The following STXBP5L variants were observed in gnomAD, a reference collection of about 807,000 sequenced individuals.
The protein encoded by STXBP5L is syntaxin binding protein 5L, also known as syntaxin-binding protein 5-like.
Under a neutral mutation model 144.5 loss-of-function variants are expected in STXBP5L, and 65 were observed. The ratio of observed to expected loss-of-function variants is 0.45; its 90% CI spans 0.37 to 0.55. STXBP5L has a LOEUF of 0.55. Ranked by LOEUF, STXBP5L falls within the 20% of genes least tolerant of loss-of-function variation. The pLI is 0.00. For missense variants in STXBP5L, 1,298 were observed against 1,405.5 expected, an observed-to-expected ratio of 0.92 and a Z score of 1.22; for synonymous variants, 505 against 469.6, an observed-to-expected ratio of 1.08 and a Z score of -0.97.
chr3:121,335,133 A>G (rs1209789742), intron 20 of STXBP5L, among the ~76,000 whole-genome samples: 2 of 152,230 alleles, frequency 1.3e-5, no homozygotes. Flanking sequence ...ATCAATGTAC[A>G]AAAATTACTA....
At chr3:121,306,039 C>T (rs929816606) in intron 19 of STXBP5L, among the ~76,000 whole-genome samples, 2 of 152,142 alleles carry the variant, frequency 1.3e-5, no homozygotes, top group Non-Finnish European at 2.9e-5. Context: ...AGACTTCCAG[C>T]TGGCAGCCTG....
intron 2 of STXBP5L, among the ~76,000 whole-genome samples, chr3:120,923,926 ATT>A (rs542411187): frequency 0.02 from 2,932 of 150,290 alleles, 86 homozygotes; most frequent in African/African-American, 0.067. Flanking sequence ...ACTGAGAGAG[ATT>A]TTTTTTTTAA....
At chr3:121,316,713 C>A (rs2043801053) in intron 19 of STXBP5L, among the ~76,000 whole-genome samples, 1 of 152,180 alleles carries the variant, frequency 6.6e-6, no homozygotes, top group Non-Finnish European at 1.5e-5. Context: ...AGTAGGCATT[C>A]AATAAATTTG....
At position 121,383,874 on chromosome 3, in the gene STXBP5L, T is replaced by G. The variant is rs150587341; in HGVS notation, c.2587+2342T>G. On this transcript the variant is annotated intron_variant, in intron 22 of 26. Transcript: ENST00000471454. ...CTATTATGGGTACTGTTTATGTTAT[T>G]ATGGTTGCTGCCATAGCTTATGGGA... Among the ~76,000 whole-genome samples, 478 of 152,278 alleles carry G rather than the reference T, an allele frequency of 3.1e-3. 8 individuals are homozygous for G. Among genetic ancestry groups the G allele is most frequent in the African/African-American group, 0.011 (456 of 41,564 alleles).
intron 15 of STXBP5L, among the ~76,000 whole-genome samples, chr3:121,253,816 T>C (rs1280171797): frequency 6.9e-6 from 1 of 144,930 alleles, no homozygotes; most frequent in Non-Finnish European, 1.5e-5. Context: ...TTTTCTTTTT[T>C]TTTTTTTTTT....
chr3:121,372,603 C>T (rs570633093), intron 20 of STXBP5L, among the ~76,000 whole-genome samples: 3 of 152,258 alleles, frequency 2.0e-5, no homozygotes, highest in South Asian at 2.1e-4. Context: ...GGGAACAAGT[C>T]GTGGTGTGTG....
intron 20 of STXBP5L, among the ~76,000 whole-genome samples, chr3:121,335,913 A>G (rs2044489020): frequency 6.6e-6 from 1 of 152,220 alleles, no homozygotes; most frequent in African/African-American, 2.4e-5. Flanking sequence ...GCAAAAAGTG[A>G]TAAATGGGAT....
chr3:121,056,944 ATATAT>A (rs996758437), intron 5 of STXBP5L, among the ~76,000 whole-genome samples: 4 of 150,782 alleles, frequency 2.7e-5, no homozygotes, highest in African/African-American at 4.8e-5. Context: ...GGTCTTTATA[ATATAT>A]TATAAAGAGG....
chr3:121,078,527 G>A (rs988754293), intron 5 of STXBP5L, among the ~76,000 whole-genome samples: 16 of 152,354 alleles, frequency 1.1e-4, no homozygotes, highest in African/African-American at 3.4e-4. Context: ...CGTGCCATGC[G>A]CCCGCACTCC....
intron 5 of STXBP5L, among the ~76,000 whole-genome samples, chr3:121,095,848 G>T (rs1318790968): frequency 1.3e-5 from 2 of 152,154 alleles, no homozygotes; most frequent in African/African-American, 4.8e-5. Flanking sequence ...TTCCTTTGGA[G>T]GGGGAGAGGC....
chr3:121,214,060 TA>T (rs1320484477), intron 10 of STXBP5L, among the ~76,000 whole-genome samples: 3 of 152,200 alleles, frequency 2.0e-5, no homozygotes, highest in African/African-American at 7.2e-5. Context: ...ATATCCCCTT[TA>T]TCACTTTTTA....
intron 3 of STXBP5L, among the ~76,000 whole-genome samples, chr3:120,983,901 G>A (rs1337589086): frequency 3.9e-5 from 6 of 152,346 alleles, no homozygotes; most frequent in African/African-American, 1.4e-4. Flanking sequence ...CTTAATGGAA[G>A]AGGCACCTAC....
chr3:121,037,264 T>C (rs1454056313), intron 3 of STXBP5L, among the ~76,000 whole-genome samples: 2 of 151,874 alleles, frequency 1.3e-5, no homozygotes, highest in Non-Finnish European at 2.9e-5. Flanking sequence ...TTTTCTTTTT[T>C]TTTTGAAAGG....
At chr3:121,351,907 G>A (rs111484309) in intron 20 of STXBP5L, among the ~76,000 whole-genome samples, 18,333 of 152,104 alleles carry the variant, frequency 0.12, 1,186 homozygotes, top group Non-Finnish European at 0.14. Flanking sequence ...CAGATGGCTA[G>A]CCAGTTTTCC....
intron 19 of STXBP5L, among the ~76,000 whole-genome samples, chr3:121,314,958 T>C (rs1461363117): frequency 6.6e-6 from 1 of 152,110 alleles, no homozygotes; most frequent in Non-Finnish European, 1.5e-5. Flanking sequence ...CCCGTTAGAA[T>C]GGCAATCATT....
chr3:121,226,756 A>C (rs930991776), intron 11 of STXBP5L, among the ~76,000 whole-genome samples: 10 of 152,300 alleles, frequency 6.6e-5, no homozygotes, highest in Admixed American at 5.9e-4. Context: ...TAACAGATAC[A>C]ATTTTGCTTT....
intron 3 of STXBP5L, among the ~76,000 whole-genome samples, chr3:121,038,637 G>A (rs1007066308): frequency 3.3e-5 from 5 of 151,800 alleles, no homozygotes; most frequent in Non-Finnish European, 7.4e-5. Context: ...TTTTACTTAT[G>A]TCTTCTTCAT....
rs181038839 is a variant in STXBP5L at position 121,297,601 on chromosome 3, A to G, written c.2110+17645A>G. Among the ~76,000 whole-genome samples the G allele has an allele frequency of 3.1e-4, 47 of 152,234 alleles. 2 individuals are homozygous for G. In the East Asian group the frequency reaches 8.3e-3, roughly 27 times the overall value. ...AAACCCTGCCTCTACTAAAAATACA[A>G]AAATTAGCTGGGTGTGGTGGCTCAT... On this transcript the variant is annotated intron_variant, in intron 19 of 26. Transcript: ENST00000471454.
At chr3:121,159,625 T>A (rs1485620153) in intron 9 of STXBP5L, among the ~76,000 whole-genome samples, 1 of 149,378 alleles carries the variant, frequency 6.7e-6, no homozygotes, top group African/African-American at 2.5e-5. Context: ...AATGTACATT[T>A]TCTTTTTTTT....
Sources: gnomAD v4.1 joint callset for allele counts (sites outside exome capture counted in the v4.1 genomes callset) on GRCh38, gnomAD v4.1.1 for gene constraint, MANE v1.5 for transcripts, NCBI Gene and HGNC (gene_info 2026-07-23, HGNC 2026-07-21) for gene names.